Variants in NKAIN1 observed in about 807,000 individuals in gnomAD.
NKAIN1 encodes the protein sodium/potassium transporting ATPase interacting 1, also known as sodium/potassium-transporting ATPase subunit beta-1-interacting protein 1.
NKAIN1 carries 13 observed loss-of-function variants against 31.6 expected under a neutral mutation model. The ratio of observed to expected loss-of-function variants is 0.41; its 90% CI spans 0.27 to 0.65. The LOEUF (loss-of-function observed/expected upper bound fraction) is 0.65, where lower values mean the gene tolerates loss of function less well. Ranked by LOEUF, NKAIN1 falls within the 30% of genes least tolerant of loss-of-function variation. NKAIN1 has a pLI of 0.30. For synonymous variants in NKAIN1, 104 were observed against 109.0 expected (o/e 0.95, Z 0.28); for missense variants, 193 against 262.2 (o/e 0.74, Z 1.82).
chr1:31,194,200 C>T (rs1645306414), intron 1 of NKAIN1, among the ~76,000 whole-genome samples: 1 of 152,108 alleles, frequency 6.6e-6, no homozygotes, highest in Admixed American at 6.6e-5. Flanking sequence ...AGCCCCCTGA[C>T]TGTAATCCCA....
At chr1:31,203,089 A>G (rs951416248) in intron 1 of NKAIN1, among the ~76,000 whole-genome samples, 2 of 151,502 alleles carry the variant, frequency 1.3e-5, no homozygotes, top group Non-Finnish European at 2.9e-5. Context: ...CCTGGCCAAC[A>G]TGGTGAAACC....
At chr1:31,184,173 G>T (rs1335931869) in intron 3 of NKAIN1, among the ~76,000 whole-genome samples, 159 bp from the exon 4 acceptor site, 1 of 152,090 alleles carries the variant, frequency 6.6e-6, no homozygotes, top group African/African-American at 2.4e-5. Flanking sequence ...GACCACACAG[G>T]CCTCACTCTT....
intron 1 of NKAIN1, among the ~76,000 whole-genome samples, chr1:31,203,213 C>T (rs1021539404): frequency 9.9e-5 from 15 of 151,300 alleles, no homozygotes; most frequent in African/African-American, 2.4e-4. Context: ...TGCAGTAAGC[C>T]GAGATTGCGC....
intron 1 of NKAIN1, among the ~76,000 whole-genome samples, chr1:31,198,309 A>G (rs938612929): frequency 6.6e-6 from 1 of 151,992 alleles, no homozygotes; most frequent in Admixed American, 6.6e-5. Flanking sequence ...ATGCCCACCC[A>G]AGCTTCAGTG....
chr1:31,228,788 A>C lies in NKAIN1; in HGVS notation c.54+10706T>G, dbSNP rs533460465. ...AAAAAAAATTTTTTTTAGAGATGGG[A>C]TCTTACTGTGTTGCCCAGGCTGGTC... On this transcript the variant is annotated intron_variant, in intron 1 of 6. Coordinates refer to ENST00000373736, the MANE Select transcript of NKAIN1 (RefSeq NM_024522.3). Among the ~76,000 whole-genome samples, 21 of 152,140 alleles carry C rather than the reference A, an allele frequency of 1.4e-4. No homozygotes were observed. The South Asian group carries it at 3.1e-3, about 23-fold the overall frequency.
intron 1 of NKAIN1, among the ~76,000 whole-genome samples, chr1:31,231,908 T>C (rs1645652693): frequency 6.6e-6 from 1 of 151,244 alleles, no homozygotes; most frequent in South Asian, 2.1e-4. Context: ...TGGCTGGAAC[T>C]AGCTTTTTTT....
At chr1:31,215,108 AGCG>A (rs1645501002) in intron 1 of NKAIN1, among the ~76,000 whole-genome samples, 3 of 152,180 alleles carry the variant, frequency 2.0e-5, no homozygotes, top group Non-Finnish European at 4.4e-5. Context: ...TGACTTATTT[AGCG>A]GCAGCTCCTT....
At chr1:31,182,827 C>T (rs1164118388) in intron 4 of NKAIN1, among the ~76,000 whole-genome samples, 5 of 152,200 alleles carry the variant, frequency 3.3e-5, no homozygotes, top group Non-Finnish European at 7.3e-5. Flanking sequence ...TCAGTTTTCC[C>T]ACTTGGACTT....
intron 1 of NKAIN1, among the ~76,000 whole-genome samples, chr1:31,235,220 AAC>A (rs1181444800): frequency 6.6e-6 from 1 of 152,170 alleles, no homozygotes; most frequent in African/African-American, 2.4e-5. Context: ...TTCCAGGAAG[AAC>A]AGAGTGGCCT....
chr1:31,221,111 A>T (rs1158940328), intron 1 of NKAIN1, among the ~76,000 whole-genome samples: 1 of 152,168 alleles, frequency 6.6e-6, no homozygotes, highest in Non-Finnish European at 1.5e-5. Context: ...GGATGAAATG[A>T]TGGATTAGCA....
At chr1:31,211,738 C>G (rs969052638) in intron 1 of NKAIN1, among the ~76,000 whole-genome samples, 1 of 151,742 alleles carries the variant, frequency 6.6e-6, no homozygotes, top group Non-Finnish European at 1.5e-5. Flanking sequence ...TGCTTGAGTT[C>G]GAGTCCAGCC....
chr1:31,204,448 A>G (rs1645407913), intron 1 of NKAIN1, among the ~76,000 whole-genome samples: 1 of 152,106 alleles, frequency 6.6e-6, no homozygotes, highest in African/African-American at 2.4e-5. Context: ...ACTTCTGCCC[A>G]TGTTCCCACG....
intron 1 of NKAIN1, among the ~76,000 whole-genome samples, chr1:31,193,488 A>G (rs1645302113): frequency 6.6e-6 from 1 of 151,992 alleles, no homozygotes; most frequent in African/African-American, 2.4e-5. Context: ...CGAGGTCAGG[A>G]GTTCGAGATC....
At chr1:31,219,988 C>T (rs1645549530) in intron 1 of NKAIN1, among the ~76,000 whole-genome samples, 1 of 148,132 alleles carries the variant, frequency 6.8e-6, no homozygotes, top group Non-Finnish European at 1.5e-5. Flanking sequence ...GCTAAACCTG[C>T]TTCAGAACAC....
At chr1:31,229,122 C>G (rs1205387647) in intron 1 of NKAIN1, among the ~76,000 whole-genome samples, 4 of 152,174 alleles carry the variant, frequency 2.6e-5, no homozygotes, top group African/African-American at 9.7e-5. Flanking sequence ...CAGCTGAGGG[C>G]ATGTTTCATA....
At chr1:31,213,421 GATA>G (rs1645485899) in intron 1 of NKAIN1, among the ~76,000 whole-genome samples, 1 of 104,902 alleles carries the variant, frequency 9.5e-6, no homozygotes, top group African/African-American at 3.1e-5. Flanking sequence ...AAAAAAGGCA[GATA>G]ATAACAAGTG....
intron 1 of NKAIN1, among the ~76,000 whole-genome samples, chr1:31,214,936 C>G (rs1347623196): frequency 1.9e-4 from 29 of 152,314 alleles, no homozygotes; most frequent in African/African-American, 7.0e-4. Flanking sequence ...CTAAGCCCTC[C>G]GGGCGCCCCC....
chr1:31,218,071 TTTTTTTTTTGAGATGGA>T (rs1645531940), intron 1 of NKAIN1, among the ~76,000 whole-genome samples: 1 of 133,608 alleles, frequency 7.5e-6, no homozygotes, highest in African/African-American at 2.8e-5. Context: ...TTTCTTTCTT[TTTTTTTTTTGAGATGGA>T]GTCTCGCTCT....
intron 1 of NKAIN1, among the ~76,000 whole-genome samples, chr1:31,220,482 C>T (rs898733290): frequency 1.3e-5 from 2 of 151,870 alleles, no homozygotes; most frequent in African/African-American, 4.8e-5. Context: ...TGGCCGGGCA[C>T]GGTGGCTCAC....
Sources: gnomAD v4.1 joint callset for allele counts (sites outside exome capture counted in the v4.1 genomes callset) on GRCh38, gnomAD v4.1.1 for gene constraint, MANE v1.5 for transcripts, NCBI Gene and HGNC (gene_info 2026-07-23, HGNC 2026-07-21) for gene names.